Variants in MRPL3 observed in about 807,000 individuals in gnomAD.
The protein encoded by MRPL3 is mitochondrial ribosomal protein L3, also known as large ribosomal subunit protein uL3m.
Under a neutral mutation model 44.3 loss-of-function variants are expected in MRPL3, and 43 were observed. The ratio of observed to expected loss-of-function variants is 0.97; its 90% CI spans 0.76 to 1.25. MRPL3 has a LOEUF of 1.25. Ranked by LOEUF, MRPL3 falls within the 50% of genes most tolerant of loss-of-function variation. The pLI is 0.00. For missense variants in MRPL3, 406 were observed against 427.6 expected, an observed-to-expected ratio of 0.95 and a Z score of 0.45; for synonymous variants, 171 against 152.3, an observed-to-expected ratio of 1.12 and a Z score of -0.91.
At chr3:131,468,049 C>CAAA in intron 9 of MRPL3, 42 bp downstream of exon 9, 6 of 860,438 alleles carry the variant, frequency 7.0e-6, no homozygotes, top group South Asian at 2.3e-5. Flanking sequence ...GAGTAAGAAA[C>CAAA]AAAAAAAAAA....
chr3:131,502,664 T>G (rs995235677), intron 1 of MRPL3, 66 bp downstream of exon 1: 118 of 1,393,344 alleles, frequency 8.5e-5, no homozygotes, highest in Non-Finnish European at 1.1e-4. Context: ...GAGGCCCAAC[T>G]GCACCAGGCC....
intron 5 of MRPL3, 120 bp downstream of exon 5, chr3:131,489,861 A>T (rs1370992491): frequency 1.5e-5 from 8 of 536,440 alleles, no homozygotes; most frequent in South Asian, 2.5e-5. Flanking sequence ...ACAGTTTTGT[A>T]TTTAAAAGTA....
At chr3:131,465,551 GAAA>G (rs1933582326) in intron 9 of MRPL3, among the ~76,000 whole-genome samples, 1 of 152,120 alleles carries the variant, frequency 6.6e-6, no homozygotes, top group South Asian at 2.1e-4. Flanking sequence ...CATGTATGTA[GAAA>G]AATAGGCAGA....
chr3:131,468,194 T>G (rs1933665022), intron 8 of MRPL3, 26 bp from the exon 9 acceptor site: 4 of 1,365,190 alleles, frequency 2.9e-6, no homozygotes, highest in Admixed American at 2.2e-5. Flanking sequence ...AAACCAAAAA[T>G]TTTAGGATAT....
intron 4 of MRPL3, among the ~76,000 whole-genome samples, chr3:131,497,316 A>G (rs1044663456): frequency 1.3e-5 from 2 of 152,266 alleles, no homozygotes; most frequent in African/African-American, 4.8e-5. Context: ...CAAATGAAAA[A>G]AGCGTAATGC....
chr3:131,485,056 T>G (rs1245559749), intron 6 of MRPL3, among the ~76,000 whole-genome samples: 2 of 152,220 alleles, frequency 1.3e-5, no homozygotes, highest in East Asian at 3.8e-4. Context: ...CAGGGCTGGT[T>G]GTTCCCCCAA....
At chr3:131,497,152 T>C (rs965713773) in intron 4 of MRPL3, among the ~76,000 whole-genome samples, 1 of 152,248 alleles carries the variant, frequency 6.6e-6, no homozygotes, top group Admixed American at 6.5e-5. Flanking sequence ...TTTGTGTAAC[T>C]TCCTCACTAG....
intron 6 of MRPL3, among the ~76,000 whole-genome samples, chr3:131,472,630 A>G (rs1040620874): frequency 6.6e-6 from 1 of 152,184 alleles, no homozygotes; most frequent in Non-Finnish European, 1.5e-5. Flanking sequence ...TCCAAATTGT[A>G]AAGGAAGAAG....
chr3:131,479,397 AGAAGTGGGGGTGG>A (rs1344962636), intron 6 of MRPL3, among the ~76,000 whole-genome samples: 1 of 152,240 alleles, frequency 6.6e-6, no homozygotes, highest in Admixed American at 6.5e-5. Flanking sequence ...TTTAATAAAT[AGAAGTGGGGGTGG>A]GAAGGTGAAG....
intron 1 of MRPL3, 61 bp from the exon 2 acceptor site, chr3:131,501,776 T>C (rs1934502516): frequency 8.8e-6 from 14 of 1,589,806 alleles, no homozygotes; most frequent in Non-Finnish European, 1.2e-5. Context: ...CCACTTAATA[T>C]AGAAAAGGGA....
intron 7 of MRPL3, 25 bp downstream of exon 7, chr3:131,471,146 A>C: frequency 6.7e-7 from 1 of 1,490,128 alleles, no homozygotes. Flanking sequence ...TTAGCATTAA[A>C]AAGAGCTTCA....
In MRPL3 at chr3:131,497,166, A is replaced by G. The variant is rs1044508426; in HGVS notation, c.468+1013T>C. 1.4e-4 allele frequency among the ~76,000 whole-genome samples: 21 copies of G among 152,340 alleles called. No individual in the cohort carries two copies. The South Asian group carries it at 2.5e-3, about 18-fold the overall frequency. Reference sequence around the variant, plus strand: ...ATTTGTGTAACTTCCTCACTAGCTTATGAGCTCCCAGTGGGTAGATATCAA... The same window carrying G: ...ATTTGTGTAACTTCCTCACTAGCTTGTGAGCTCCCAGTGGGTAGATATCAA... On this transcript the variant is annotated intron_variant, in intron 4 of 9. Transcript: ENST00000264995.
chr3:131,468,824 A>C (rs1293846612), intron 8 of MRPL3, among the ~76,000 whole-genome samples: 1 of 152,130 alleles, frequency 6.6e-6, no homozygotes, highest in East Asian at 1.9e-4. Context: ...TCTTAGGTTT[A>C]ATTATATAAA....
intron 4 of MRPL3, among the ~76,000 whole-genome samples, chr3:131,492,061 G>A (rs990153933): frequency 2.6e-5 from 4 of 152,002 alleles, no homozygotes; most frequent in African/African-American, 9.7e-5. Flanking sequence ...GCATCCTATT[G>A]CCTCTGTCTA....
chr3:131,478,951 C>G (rs1470500495), intron 6 of MRPL3: 1 of 336,302 alleles, frequency 3.0e-6, no homozygotes, highest in African/African-American at 2.2e-5. Context: ...CTCTAGCCTC[C>G]TAAAGTGCTG....
At chr3:131,469,575 TTCC>T in intron 8 of MRPL3, 118 bp downstream of exon 8, 1 of 634,078 alleles carries the variant, frequency 1.6e-6, no homozygotes, top group East Asian at 2.9e-5. Flanking sequence ...GTATCCTCTT[TTCC>T]TCAATAATTT....
chr3:131,474,001 T>C (rs1933797950), intron 6 of MRPL3, among the ~76,000 whole-genome samples: 1 of 152,020 alleles, frequency 6.6e-6, no homozygotes, highest in African/African-American at 2.4e-5. Context: ...TATGGAAGCA[T>C]CCCTCAAAAC....
At position 131,462,535 on chromosome 3, in the gene MRPL3, A is replaced by T; in HGVS notation, c.*188T>A. On this transcript the variant is annotated 3_prime_UTR_variant, in exon 10 of 10. Transcript: ENST00000264995. ...CAAATCCAATCTACTTAACTCATATATTTAATGTGGTAATTTTTCTAACAA... is the reference window on the plus strand; with the variant it reads ...CAAATCCAATCTACTTAACTCATATTTTTAATGTGGTAATTTTTCTAACAA... 2.2e-6 allele frequency: 1 copy of T among 452,418 alleles called. No individual in the cohort carries two copies. The highest frequency in any genetic ancestry group is 3.7e-6 in the Non-Finnish European group (1 of 270,032). 28.0% of individuals were successfully genotyped at this position (452,418 alleles called of 1,614,324 possible). A position where few individuals can be genotyped will look rare whatever the true frequency, so the allele number is the denominator to read the frequency against.
At chr3:131,470,676 G>A (rs953103336) in intron 7 of MRPL3, among the ~76,000 whole-genome samples, 1 of 151,872 alleles carries the variant, frequency 6.6e-6, no homozygotes, top group Non-Finnish European at 1.5e-5. Context: ...TTGTGTGCAT[G>A]CATGCATTCC....
Sources: allele counts gnomAD v4.1 joint callset (sites outside exome capture counted in the v4.1 genomes callset), GRCh38; gene constraint gnomAD v4.1.1; transcripts MANE v1.5; gene names NCBI Gene and HGNC (gene_info 2026-07-23, HGNC 2026-07-21).